The following MAGI2 variants were observed in gnomAD, a reference collection of about 807,000 sequenced individuals.
The protein encoded by MAGI2 is membrane-associated guanylate kinase, WW and PDZ domain-containing protein 2.
Under a neutral mutation model 133.3 loss-of-function variants are expected in MAGI2, and 35 were observed. That is an observed-to-expected ratio of 0.26 (90% CI 0.20 to 0.35). The LOEUF (loss-of-function observed/expected upper bound fraction) is 0.35. Ranked by LOEUF, MAGI2 falls within the 10% of genes least tolerant of loss-of-function variation. The probability of loss-of-function intolerance (pLI) is 1.00; values close to 1 mark genes in which losing one functional copy is unlikely to be tolerated. For synonymous variants in MAGI2, 729 were observed against 710.6 expected, an observed-to-expected ratio of 1.03 and a Z score of -0.41; for missense variants, 1,636 against 1,863.4, an observed-to-expected ratio of 0.88 and a Z score of 2.25.
intron 10 of MAGI2, among the ~76,000 whole-genome samples, chr7:78,215,137 T>C (rs927704603): frequency 1.3e-5 from 2 of 152,168 alleles, no homozygotes; most frequent in African/African-American, 4.8e-5. Context: ...CTACGAAGCA[T>C]AAAGCGAAGA....
intron 2 of MAGI2, among the ~76,000 whole-genome samples, chr7:78,775,320 T>TAAAAAAAAAAAAAAAAAAAAAAAAAAA (rs3086258): frequency 1.0e-4 from 6 of 57,356 alleles, no homozygotes; most frequent in Non-Finnish European, 1.3e-4. Context: ...CGTCTCAAAT[T>TAAAAAAAAAAAAAAAAAAAAAAAAAAA]AAAAAAAAAA....
intron 9 of MAGI2, among the ~76,000 whole-genome samples, chr7:78,321,571 A>C (rs895835844): frequency 6.6e-6 from 1 of 152,244 alleles, no homozygotes; most frequent in Admixed American, 6.5e-5. Flanking sequence ...AGCCATATGC[A>C]GGAAACTGAA....
intron 3 of MAGI2, among the ~76,000 whole-genome samples, chr7:78,608,679 G>T (rs533518103): frequency 6.6e-6 from 1 of 152,116 alleles, no homozygotes; most frequent in East Asian, 1.9e-4. Flanking sequence ...ATAAAATGCC[G>T]TTTTGAAGGG....
intron 2 of MAGI2, among the ~76,000 whole-genome samples, chr7:78,848,185 G>T (rs568529155): frequency 2.6e-4 from 39 of 151,938 alleles, no homozygotes; most frequent in African/African-American, 8.2e-4. Flanking sequence ...CAGAAAGTTT[G>T]ATTTGCCCTT....
chr7:78,715,976 C>T (rs961937642), intron 2 of MAGI2, among the ~76,000 whole-genome samples: 5 of 152,150 alleles, frequency 3.3e-5, no homozygotes, highest in African/African-American at 7.2e-5. Flanking sequence ...AATGGAGATT[C>T]AACACTCATA....
At chr7:79,039,722 C>T (rs911351512) in intron 1 of MAGI2, among the ~76,000 whole-genome samples, 2 of 151,372 alleles carry the variant, frequency 1.3e-5, no homozygotes, top group South Asian at 4.2e-4. Context: ...TGGCTCACAT[C>T]TGTAATCCGA....
intron 10 of MAGI2, among the ~76,000 whole-genome samples, chr7:78,212,954 C>A (rs974249726): frequency 1.3e-5 from 2 of 152,108 alleles, no homozygotes; most frequent in African/African-American, 4.8e-5. Context: ...GGGATTACAG[C>A]GTGAGCCACC....
In MAGI2 at chr7:78,654,727, A is replaced by G. The variant is rs866423311; in HGVS notation, c.419-27488T>C. ...TGTATATATATATATATATATATAT[A>G]TATATATATATATATATATATAGCA... On this transcript the variant is annotated intron_variant, in intron 2 of 21. Transcript: ENST00000354212. Among the ~76,000 whole-genome samples the G allele has an allele frequency of 6.4e-4, 79 of 124,308 alleles. 4 individuals carry two copies. The highest frequency in any genetic ancestry group is 5.0e-3 in the Middle Eastern group (1 of 202). The allele number at this position is 124,308 out of a possible 152,430, so 81.6% of individuals were successfully genotyped here.
intron 16 of MAGI2, among the ~76,000 whole-genome samples, chr7:78,135,891 A>G (rs572721045): frequency 3.9e-4 from 60 of 152,328 alleles, no homozygotes; most frequent in Admixed American, 1.4e-3. Context: ...AATGTCTGAT[A>G]CATAATGCAT....
chr7:78,995,609 C>T (rs1297924710), intron 2 of MAGI2, among the ~76,000 whole-genome samples: 1 of 152,092 alleles, frequency 6.6e-6, no homozygotes, highest in Admixed American at 6.6e-5. Flanking sequence ...ACGTTCATAT[C>T]TTCTTCACAA....
At chr7:78,592,411 C>T (rs987457711) in intron 3 of MAGI2, among the ~76,000 whole-genome samples, 1 of 151,070 alleles carries the variant, frequency 6.6e-6, no homozygotes, top group African/African-American at 2.4e-5. Context: ...AGTATCTGTC[C>T]CAACTGCTCT....
intron 20 of MAGI2, among the ~76,000 whole-genome samples, chr7:78,114,720 C>T (rs1433471735): frequency 1.3e-5 from 2 of 152,212 alleles, no homozygotes; most frequent in Non-Finnish European, 2.9e-5. Context: ...CTAGGGATCA[C>T]AGTACCAGCC....
At chr7:78,203,276 T>G (rs994398587) in intron 10 of MAGI2, among the ~76,000 whole-genome samples, 3 of 152,206 alleles carry the variant, frequency 2.0e-5, no homozygotes, top group Admixed American at 6.5e-5. Flanking sequence ...GATACAGAGG[T>G]ATTGAAAATA....
chr7:79,197,703 C>T (rs957081474), intron 1 of MAGI2, among the ~76,000 whole-genome samples: 1 of 151,942 alleles, frequency 6.6e-6, no homozygotes, highest in Non-Finnish European at 1.5e-5. Flanking sequence ...TCTTACAGTA[C>T]TGGAGGCTGG....
chr7:79,143,170 T>C (rs941086231), intron 1 of MAGI2, among the ~76,000 whole-genome samples: 1 of 152,202 alleles, frequency 6.6e-6, no homozygotes, highest in Non-Finnish European at 1.5e-5. Context: ...TTTCACTCTC[T>C]AGATAAAAAC....
At chr7:78,956,365 C>G (rs184413539) in intron 2 of MAGI2, among the ~76,000 whole-genome samples, 1 of 152,132 alleles carries the variant, frequency 6.6e-6, no homozygotes, top group Admixed American at 6.6e-5. Flanking sequence ...GCCTGATTCT[C>G]TAAAGGGCAT....
intron 2 of MAGI2, among the ~76,000 whole-genome samples, chr7:78,911,969 A>G (rs747510964): frequency 1.2e-4 from 19 of 152,178 alleles, no homozygotes; most frequent in Non-Finnish European, 2.6e-4. Context: ...TTTTACGGGA[A>G]CACAGATGGA....
In MAGI2 at chr7:79,151,868, A is replaced by T. The variant is rs182717003; in HGVS notation, c.302-144662T>A. 1.9e-3 allele frequency among the ~76,000 whole-genome samples: 278 copies of T among 147,808 alleles called. 1 individual carries two copies. The highest frequency in any genetic ancestry group is 3.3e-3 in the Non-Finnish European group (222 of 66,432). ...AGAAAGACACAAACTCCCCTTTTAG[A>T]TGCCTTACCAGTACTTCAGGTGTCT... is the stretch of plus-strand genomic sequence containing the variant. On this transcript the variant is annotated intron_variant, in intron 1 of 21. Coordinates refer to ENST00000354212, the MANE Select transcript of MAGI2 (RefSeq NM_012301.4).
At chr7:78,035,764 T>G (rs1222899609) in intron 21 of MAGI2, among the ~76,000 whole-genome samples, 1 of 151,896 alleles carries the variant, frequency 6.6e-6, no homozygotes, top group Non-Finnish European at 1.5e-5. Flanking sequence ...TTTTTTTACT[T>G]TATTGTAGTA....
Sources: allele counts gnomAD v4.1 joint callset (sites outside exome capture counted in the v4.1 genomes callset), GRCh38; gene constraint gnomAD v4.1.1; transcripts MANE v1.5; gene names NCBI Gene and HGNC (gene_info 2026-07-23, HGNC 2026-07-21).